RNF217: variants seen among roughly 807,000 people sequenced by gnomAD.
RNF217 encodes E3 ubiquitin-protein ligase RNF217.
A neutral mutation model predicts 57.8 loss-of-function variants in RNF217; 31 were observed. The ratio of observed to expected loss-of-function variants is 0.54; its 90% CI spans 0.40 to 0.72. The LOEUF (loss-of-function observed/expected upper bound fraction) is 0.72, where lower values mean the gene tolerates loss of function less well. Ranked by LOEUF, RNF217 falls within the 30% of genes least tolerant of loss-of-function variation. RNF217 has a pLI of 0.00. For missense variants in RNF217, 696 were observed against 708.3 expected (o/e 0.98, Z 0.20); for synonymous variants, 313 against 294.0 (o/e 1.06, Z -0.66).
At chr6:124,986,870 A>G (rs1286885785) in intron 1 of RNF217, among the ~76,000 whole-genome samples, 1 of 152,208 alleles carries the variant, frequency 6.6e-6, no homozygotes, top group Non-Finnish European at 1.5e-5. Flanking sequence ...AATGTAAATA[A>G]TAGAATTATT....
intron 1 of RNF217, among the ~76,000 whole-genome samples, chr6:125,035,885 G>GT (rs200247125): frequency 0.027 from 3,917 of 145,164 alleles, 75 homozygotes; most frequent in Non-Finnish European, 0.04. Flanking sequence ...ATCTGTTGAA[G>GT]TTTTTTTTTT....
chr6:125,025,867 G>A (rs1288384243), intron 1 of RNF217, among the ~76,000 whole-genome samples: 1 of 152,162 alleles, frequency 6.6e-6, no homozygotes, highest in Non-Finnish European at 1.5e-5. Context: ...TGATCCTGTT[G>A]GATTTTTATT....
chr6:125,023,121 G>C (rs996972216), intron 1 of RNF217, among the ~76,000 whole-genome samples: 16 of 152,148 alleles, frequency 1.1e-4, no homozygotes, highest in African/African-American at 3.6e-4. Flanking sequence ...AGCAAGTCTT[G>C]TTAAGGATCA....
chr6:124,963,274 C>T lies in RNF217; in HGVS notation c.730C>T (p.Pro244Ser), dbSNP rs1243963730. The change falls in exon 1 of 6, where the codon CCC (proline) becomes TCC (serine). Residue 244 changes from proline (P) to serine (S), a missense_variant. By Grantham distance (74) the Pro-to-Ser change is moderately conservative. Transcript: ENST00000521654. ...CATGCCCAGCCTGTTGGGAGCTCCA[C>T]CCTACTCTGGCCTGGGCGGTGTAGG... Reference protein sequence around the residue: ...FSMPSLLGAPPYSGLGGVGDP... With the variant: ...FSMPSLLGAPSYSGLGGVGDP... 3 of 1,536,006 alleles carry T rather than the reference C, an allele frequency of 2.0e-6. No homozygotes were observed. The highest frequency in any genetic ancestry group is 1.2e-5 in the South Asian group (1 of 84,024).
chr6:125,073,874 G>A (rs1210710022), intron 3 of RNF217, among the ~76,000 whole-genome samples: 1 of 152,186 alleles, frequency 6.6e-6, no homozygotes, highest in African/African-American at 2.4e-5. Context: ...AAACGAGTTT[G>A]GCACTGTGCA....
At chr6:125,040,358 C>T (rs145905158) in intron 1 of RNF217, among the ~76,000 whole-genome samples, 1 of 152,064 alleles carries the variant, frequency 6.6e-6, no homozygotes, top group Non-Finnish European at 1.5e-5. Context: ...GGATAAATCC[C>T]TGGACACATA....
intron 1 of RNF217, among the ~76,000 whole-genome samples, chr6:124,986,192 G>C (rs943820383): frequency 3.9e-5 from 6 of 152,126 alleles, no homozygotes; most frequent in Non-Finnish European, 5.9e-5. Context: ...TCTCTGCCAG[G>C]CTGGCATTAG....
chr6:125,033,185 A>T (rs1287824326), intron 1 of RNF217, among the ~76,000 whole-genome samples: 59 of 151,104 alleles, frequency 3.9e-4, no homozygotes, highest in Non-Finnish European at 5.9e-5. Flanking sequence ...GTTTGCCTAC[A>T]GATTCTGTGT....
intron 1 of RNF217, among the ~76,000 whole-genome samples, chr6:124,989,421 A>G (rs542537710): frequency 7.2e-5 from 11 of 152,278 alleles, no homozygotes; most frequent in African/African-American, 2.4e-4. Context: ...TGCAAGAGTC[A>G]TGGTAAGGTA....
At chr6:124,965,002 G>A (rs1442429939) in intron 1 of RNF217, among the ~76,000 whole-genome samples, 5 of 152,184 alleles carry the variant, frequency 3.3e-5, no homozygotes, top group East Asian at 1.9e-4. Flanking sequence ...GTGGCTTGGG[G>A]TACTTTACCT....
chr6:124,987,878 C>A (rs976359206), intron 1 of RNF217, among the ~76,000 whole-genome samples: 2 of 152,124 alleles, frequency 1.3e-5, no homozygotes, highest in Non-Finnish European at 2.9e-5. Flanking sequence ...CTTGTACATT[C>A]TGCGGTTTGT....
rs1023742423 is a variant in RNF217, at chr6:125,009,690, C to A, written c.883-35521C>A. ...CTCTGTTGTATGATCCCTCTAAAAA[C>A]GTAGACAGATATCAAAGCTTTGCTC... On this transcript the variant is annotated intron_variant, in intron 1 of 5. Coordinates refer to ENST00000521654, the MANE Select transcript of RNF217 (RefSeq NM_001286398.3). Among the ~76,000 whole-genome samples, 4 of 151,876 alleles carry A rather than the reference C, an allele frequency of 2.6e-5. No individual in the cohort carries two copies. The East Asian group carries it at 7.7e-4, about 29-fold the overall frequency.
intron 1 of RNF217, among the ~76,000 whole-genome samples, chr6:124,986,496 T>C (rs975353047): frequency 3.3e-5 from 5 of 152,260 alleles, no homozygotes; most frequent in Non-Finnish European, 5.9e-5. Context: ...TGCTTTAATG[T>C]ATTTTGATTA....
At position 124,962,890 on chromosome 6, in the gene RNF217, G is replaced by A; in HGVS notation, c.346G>A (p.Asp116Asn). 1.3e-6 allele frequency: 2 copies of A among 1,598,128 alleles called. No homozygotes were observed. Among genetic ancestry groups the A allele is most frequent in the South Asian group, 1.1e-5 (1 of 91,084 alleles). The change falls in exon 1 of 6, where the codon GAT becomes AAT. Residue 116 changes from aspartate to asparagine, a missense_variant. Transcript: ENST00000521654. The surrounding 1 kb of genome is among the most constrained non-coding windows in gnomAD (Gnocchi z 4.6). ...GGAGGAGGAAGAGGAGGAAGCTGGGGATCGAAAAGAGGGAGGGGATGAACA... is the reference window on the plus strand; with the variant it reads ...GGAGGAGGAAGAGGAGGAAGCTGGGAATCGAAAAGAGGGAGGGGATGAACA... ...ELEEEEEEAG[D>N]RKEGGDEQQE... is the part of the protein sequence containing the mutation.
intron 1 of RNF217, among the ~76,000 whole-genome samples, chr6:125,023,599 G>GT (rs1785943134): frequency 6.6e-6 from 1 of 151,978 alleles, no homozygotes; most frequent in Non-Finnish European, 1.5e-5. Flanking sequence ...AATGAAATTA[G>GT]TATGTTGAAG....
At chr6:125,005,562 C>A (rs1785148898) in intron 1 of RNF217, among the ~76,000 whole-genome samples, 1 of 152,154 alleles carries the variant, frequency 6.6e-6, no homozygotes, top group Non-Finnish European at 1.5e-5. Flanking sequence ...ACTGAAGCTT[C>A]CTATAACAGC....
chr6:125,070,201 T>C (rs1027028348), intron 3 of RNF217, among the ~76,000 whole-genome samples: 4 of 152,236 alleles, frequency 2.6e-5, no homozygotes, highest in African/African-American at 9.6e-5. Context: ...TTTTATGCTC[T>C]TCAGTAGTAT....
At chr6:125,005,720 C>A (rs1785154651) in intron 1 of RNF217, among the ~76,000 whole-genome samples, 1 of 152,094 alleles carries the variant, frequency 6.6e-6, no homozygotes, top group African/African-American at 2.4e-5. Context: ...AATATGATTT[C>A]ATGTGGTTAT....
rs959328612 is a variant in RNF217, at chr6:125,048,114, A to G, written c.1116+2670A>G. 12 of 974,758 alleles carry G rather than the reference A, an allele frequency of 1.2e-5. No individual in the cohort carries two copies. The Admixed American group carries it at 1.3e-4, about 11-fold the overall frequency. 60.4% of individuals were successfully genotyped at this position (974,758 alleles called of 1,614,324 possible). A position where few individuals can be genotyped will look rare whatever the true frequency, so the allele number is the denominator to read the frequency against. ...TCTGTGGTTTATGTTAACATTAACT[A>G]CCTGGTTTACATGCCCATACCTGTC... On this transcript the variant is annotated intron_variant, in intron 2 of 5. Transcript: ENST00000521654.
Sources: allele counts gnomAD v4.1 joint callset (sites outside exome capture counted in the v4.1 genomes callset), GRCh38; gene constraint gnomAD v4.1.1; non-coding constraint Gnocchi (gnomAD v3.1); transcripts MANE v1.5; gene names NCBI Gene and HGNC (gene_info 2026-07-23, HGNC 2026-07-21).